FMN1: variants seen among roughly 807,000 people sequenced by gnomAD.
FMN1 encodes the protein formin-1.
FMN1 carries 110 observed loss-of-function variants against 132.4 expected under a neutral mutation model. The observed-to-expected ratio is 0.83, with a 90% CI of 0.71 to 0.97. The LOEUF (loss-of-function observed/expected upper bound fraction) is 0.97. Among genes scored for constraint, FMN1 ranks in the 50% least tolerant of loss-of-function variants. The pLI is 0.00. For missense variants in FMN1, 1,792 were observed against 1,705.3 expected, an observed-to-expected ratio of 1.05 and a Z score of -0.90; for synonymous variants, 722 against 651.7, an observed-to-expected ratio of 1.11 and a Z score of -1.64.
At chr15:33,121,290 CA>C (rs1458014824) in intron 4 of FMN1, among the ~76,000 whole-genome samples, 1 of 152,340 alleles carries the variant, frequency 6.6e-6, no homozygotes, top group East Asian at 1.9e-4. Flanking sequence ...TTCAATACCA[CA>C]ATGACCAATT....
chr15:32,839,127 C>G (rs1003113962), intron 17 of FMN1, among the ~76,000 whole-genome samples: 3 of 152,086 alleles, frequency 2.0e-5, no homozygotes, highest in Non-Finnish European at 4.4e-5. Context: ...GAAAGTGCCC[C>G]CAGATCAAAG....
At chr15:33,006,864 G>T (rs1566817202) in intron 7 of FMN1, among the ~76,000 whole-genome samples, 1 of 152,108 alleles carries the variant, frequency 6.6e-6, no homozygotes, top group South Asian at 2.1e-4. Flanking sequence ...GGAGTAGAAT[G>T]GTGGTTACCA....
chr15:32,905,143 A>G (rs1205338656), intron 12 of FMN1, among the ~76,000 whole-genome samples: 5 of 152,220 alleles, frequency 3.3e-5, no homozygotes, highest in African/African-American at 1.2e-4. Flanking sequence ...AGCTTCTAAT[A>G]TATGAAAGAC....
chr15:32,806,549 C>T (rs2057688119), intron 17 of FMN1, among the ~76,000 whole-genome samples: 2 of 152,318 alleles, frequency 1.3e-5, no homozygotes, highest in African/African-American at 4.8e-5. Context: ...GCTTGTCTTG[C>T]CATCAGCCTT....
At chr15:33,054,923 G>T (rs1000202198) in intron 6 of FMN1, among the ~76,000 whole-genome samples, 1 of 152,168 alleles carries the variant, frequency 6.6e-6, no homozygotes, top group African/African-American at 2.4e-5. Flanking sequence ...TATCATAACT[G>T]ATTACAGAGT....
intron 12 of FMN1, among the ~76,000 whole-genome samples, chr15:32,905,465 G>GTGT (rs2060400881): frequency 6.6e-6 from 1 of 152,216 alleles, no homozygotes; most frequent in African/African-American, 2.4e-5. Flanking sequence ...GCCATGAGAA[G>GTGT]TGTGTACCAG....
rs528103828 is a variant in FMN1, at chr15:33,120,299, T to C, written c.1868-31325A>G. ...GGCACACCCTGCTAAAGATAGCAGA[T>C]GTGCTAACTCCAGTCACTTTATTCT... On this transcript the variant is annotated intron_variant, in intron 4 of 20. Coordinates refer to ENST00000616417, the MANE Select transcript of FMN1 (RefSeq NM_001277313.2). Among the ~76,000 whole-genome samples, 6 of 152,300 alleles carry C rather than the reference T, an allele frequency of 3.9e-5. No homozygotes were observed. In the South Asian group the frequency reaches 1.0e-3, roughly 26 times the overall value.
At chr15:32,879,305 G>A (rs1039091414) in intron 16 of FMN1, among the ~76,000 whole-genome samples, 1 of 152,140 alleles carries the variant, frequency 6.6e-6, no homozygotes, top group African/African-American at 2.4e-5. Flanking sequence ...AACATGGTCA[G>A]GACTCTGGCT....
chr15:33,172,156 C>G (rs1278017523), intron 3 of FMN1, among the ~76,000 whole-genome samples: 2 of 150,802 alleles, frequency 1.3e-5, no homozygotes, highest in Non-Finnish European at 2.9e-5. Context: ...TGCAGTGAGC[C>G]GAGATCGCGC....
intron 9 of FMN1, among the ~76,000 whole-genome samples, chr15:32,956,551 G>C (rs924213503): frequency 1.3e-5 from 2 of 152,034 alleles, no homozygotes; most frequent in African/African-American, 4.8e-5. Flanking sequence ...GATCATTCCA[G>C]ATATCACTCA....
At chr15:32,868,733 T>C (rs1020687092) in intron 16 of FMN1, among the ~76,000 whole-genome samples, 9 of 152,216 alleles carry the variant, frequency 5.9e-5, no homozygotes, top group Middle Eastern at 6.8e-3. Context: ...CTCATTCAGA[T>C]ACGAGATACA....
intron 4 of FMN1, among the ~76,000 whole-genome samples, chr15:33,089,234 G>T (rs112251115): frequency 2.0e-5 from 3 of 152,248 alleles, no homozygotes; most frequent in African/African-American, 7.2e-5. Flanking sequence ...TTGCTTACAG[G>T]TTGCATGGGT....
At chr15:32,896,164 T>A (rs1188059296) in intron 15 of FMN1, among the ~76,000 whole-genome samples, 2 of 152,084 alleles carry the variant, frequency 1.3e-5, no homozygotes, top group Non-Finnish European at 2.9e-5. Context: ...TTTATTTAGA[T>A]CCATTTCTGA....
At chr15:33,013,031 G>T (rs530031734) in intron 6 of FMN1, 1 of 411,056 alleles carries the variant, frequency 2.4e-6, no homozygotes, top group East Asian at 6.6e-5. Flanking sequence ...GGAGGCTATA[G>T]GGGTAGCACT....
chr15:33,089,373 A>G (rs1224436904), intron 4 of FMN1, among the ~76,000 whole-genome samples: 2 of 152,238 alleles, frequency 1.3e-5, no homozygotes, highest in Non-Finnish European at 2.9e-5. Context: ...TCTCCAGGGC[A>G]GGAACTGTGC....
chr15:32,867,444 C>T (rs1230580249), intron 16 of FMN1, among the ~76,000 whole-genome samples: 10 of 152,192 alleles, frequency 6.6e-5, no homozygotes, highest in African/African-American at 2.4e-4. Context: ...TCCTTCACTT[C>T]CTAGTAACCA....
chr15:33,125,534 T>C (rs1174552545), intron 4 of FMN1, among the ~76,000 whole-genome samples: 3 of 152,082 alleles, frequency 2.0e-5, no homozygotes, highest in Admixed American at 1.3e-4. Flanking sequence ...ATATCTAAAT[T>C]ACAGCTTAAA....
chr15:32,971,249 G>C (rs1179220469), intron 7 of FMN1, among the ~76,000 whole-genome samples: 1 of 152,326 alleles, frequency 6.6e-6, no homozygotes, highest in African/African-American at 2.4e-5. Flanking sequence ...AGTTTCTGTT[G>C]CTAATGCTAA....
chr15:32,992,568 G>C (rs1164233829), intron 7 of FMN1, among the ~76,000 whole-genome samples: 2 of 152,126 alleles, frequency 1.3e-5, no homozygotes, highest in Non-Finnish European at 2.9e-5. Context: ...AAAAGGACTG[G>C]TATCTGTGGG....
Sources: gnomAD v4.1 joint callset for allele counts (sites outside exome capture counted in the v4.1 genomes callset) on GRCh38, gnomAD v4.1.1 for gene constraint, MANE v1.5 for transcripts, NCBI Gene and HGNC (gene_info 2026-07-23, HGNC 2026-07-21) for gene names.